The following GYS2 variants were observed in gnomAD, a reference collection of about 807,000 sequenced individuals.
GYS2 encodes the protein glycogen synthase 2.
GYS2 carries 80 observed loss-of-function variants against 85.6 expected under a neutral mutation model. The ratio of observed to expected loss-of-function variants is 0.93; its 90% CI spans 0.78 to 1.13. The LOEUF (loss-of-function observed/expected upper bound fraction) is 1.13. GYS2 is among the 50% of genes most tolerant of loss of function. The pLI is 0.00. For synonymous variants in GYS2, 328 were observed against 300.7 expected (o/e 1.09, Z -0.94); for missense variants, 881 against 854.9 (o/e 1.03, Z -0.38).
intron 1 of GYS2, 66 bp from the exon 2 acceptor site, chr12:21,580,589 G>T: frequency 8.6e-7 from 1 of 1,156,840 alleles, no homozygotes; most frequent in Non-Finnish European, 1.3e-6. Context: ...AATAAGGGAT[G>T]GAAATGAGTT....
chr12:21,563,057 A>G lies in GYS2; in HGVS notation c.942-19T>C, dbSNP rs370635834. 1.1e-5 allele frequency: 17 copies of G among 1,564,894 alleles called. No individual in the cohort carries two copies. The highest frequency in any genetic ancestry group is 1.7e-4 in the Middle Eastern group (1 of 6,006). On this transcript the variant is annotated intron_variant, in intron 6 of 15. Transcript: ENST00000261195. ...GAGATGACTAAAACAAAACAAAACC[A>G]AACAGTTTCAAATGAAATACAGCAA...
At chr12:21,561,416 G>A (rs1227902252) in intron 7 of GYS2, among the ~76,000 whole-genome samples, 3 of 152,052 alleles carry the variant, frequency 2.0e-5, no homozygotes, top group Admixed American at 6.6e-5. Context: ...ATGCAGCCTC[G>A]GCCCTCTAGG....
At chr12:21,534,560 AAAAG>A (rs1201076658), downstream of GYS2, among the ~76,000 whole-genome samples, 2 of 151,946 alleles carry the variant, frequency 1.3e-5, no homozygotes, top group African/African-American at 2.4e-5. Flanking sequence ...AGAGAAAGGA[AAAAG>A]AAAGAAAAGA....
chr12:21,584,771 A>T (rs1230115884), intron 1 of GYS2, among the ~76,000 whole-genome samples: 1 of 152,088 alleles, frequency 6.6e-6, no homozygotes, highest in Non-Finnish European at 1.5e-5. Context: ...TCCTGAACTC[A>T]ATGCTTATGC....
chr12:21,575,921 C>T lies in GYS2; in HGVS notation c.440G>A (p.Arg147Gln), dbSNP rs760649869. Residue 147 changes from arginine to glutamine, a missense_variant, in exon 3 of 16, where the codon CGA (arginine) becomes CAA (glutamine). Arg to Gln is a conservative substitution (Grantham distance 43, BLOSUM62 1). Transcript: ENST00000261195. ...AAATATCAGCATATCATTGGCTTCT[C>T]GGTCATGATAAGGAATGCCGACACT... The part of the protein sequence containing the change: ...ACSVGIPYHD[R>Q]EANDMLIFGS... 1.6e-5 allele frequency: 26 copies of T among 1,613,734 alleles called. No homozygotes were observed. Among genetic ancestry groups the T allele is most frequent in the South Asian group, 3.3e-5 (3 of 91,072 alleles).
intron 1 of GYS2, among the ~76,000 whole-genome samples, chr12:21,584,314 G>T (rs936812608): frequency 1.4e-5 from 2 of 142,432 alleles, no homozygotes; most frequent in Non-Finnish European, 3.1e-5. Context: ...TGGGGAAGAG[G>T]TATGTGGATG....
Position 21,604,701 on chromosome 12 carries a change from C to CT in GYS2, c.-110dup. The stretch of plus-strand genomic sequence containing the variant: ...AGTTAGAGTTGGTAGAGTTACCAGG[C>CT]TTTGGTAGCTTCTCTTGGGAATAAA... On this transcript the variant is annotated 5_prime_UTR_variant, in exon 1 of 16. An upstream open reading frame in the 5' UTR gains an earlier in-frame stop. Transcript: ENST00000261195. 6.4e-7 allele frequency: 1 copy of CT among 1,568,174 alleles called. No homozygotes were observed. The highest frequency in any genetic ancestry group is 1.1e-5 in the South Asian group (1 of 87,340).
chr12:21,559,103 G>A lies in GYS2; in HGVS notation c.1296C>T (p.Ile432=), dbSNP rs141721723. The stretch of plus-strand genomic sequence containing the variant: ...TTTTCCTTATTACCTGAGTTGAAAA[G>A]ATGGCTCTTTTCATAATTGTTAGAT... ...RDDLTIMKRA[I]FSTQRQSLPP... Residue 432 remains isoleucine (I), a synonymous_variant, in exon 10 of 16, where the codon ATC becomes ATT. Transcript: ENST00000261195. 6.3e-7 allele frequency: 1 copy of A among 1,598,650 alleles called. No individual in the cohort carries two copies. The highest frequency in any genetic ancestry group is 1.1e-5 in the South Asian group (1 of 90,564).
Position 21,593,409 on chromosome 12 carries a change from A to G in GYS2, c.121+11063T>C, listed in dbSNP as rs1380618322. On this transcript the variant is annotated intron_variant, in intron 1 of 15. Transcript: ENST00000261195. ...AAAAAGAGAAGAGACTGAAATAAAG[A>G]AAATCAGAAATAAAAAAGAAAATAT... is the stretch of plus-strand genomic sequence containing the variant. 2.6e-5 allele frequency among the ~76,000 whole-genome samples: 4 copies of G among 151,856 alleles called. No individual in the cohort carries two copies. The East Asian group carries it at 7.7e-4, about 29-fold the overall frequency.
chr12:21,562,832 A>G, intron 7 of GYS2, 86 bp downstream of exon 7: 2 of 1,481,342 alleles, frequency 1.4e-6, no homozygotes, highest in South Asian at 1.2e-5. Context: ...CTTGAAAACT[A>G]TTTAAGAAGC....
chr12:21,577,779 A>G (rs1200777695), intron 2 of GYS2, among the ~76,000 whole-genome samples: 1 of 152,188 alleles, frequency 6.6e-6, no homozygotes, highest in African/African-American at 2.4e-5. Context: ...TGGGATGAGT[A>G]GGAAGGAAAG....
At chr12:21,556,943 G>A (rs1944187275) in intron 11 of GYS2, among the ~76,000 whole-genome samples, 2 of 152,278 alleles carry the variant, frequency 1.3e-5, no homozygotes, top group Non-Finnish European at 2.9e-5. Flanking sequence ...GAAGAAGCTA[G>A]TGATAAGAAT....
Position 21,536,985 on chromosome 12 carries a change from T to C in GYS2, c.2081A>G (p.Lys694Arg). The C allele has an allele frequency of 1.9e-6, 3 of 1,613,806 alleles. No individual in the cohort carries two copies. Among genetic ancestry groups the C allele is most frequent in the Non-Finnish European group, 1.7e-6 (2 of 1,179,714 alleles). The change falls in exon 16 of 16, where the codon AAG becomes AGG. Residue 694 changes from lysine to arginine, a missense_variant. Lys to Arg is a conservative substitution (Grantham distance 26). Coordinates refer to ENST00000261195, the MANE Select transcript of GYS2 (RefSeq NM_021957.4). ...PFSLSHVPHG[K>R]KKLHGEYKN is the part of the protein sequence containing the mutation. ...CTTATATTCACCATGCAGCTTTTTC[T>C]TCCCATGAGGAACGTGGCTCAGTGA...
intron 11 of GYS2, among the ~76,000 whole-genome samples, chr12:21,549,849 C>T (rs1226261969): frequency 6.6e-6 from 1 of 152,044 alleles, no homozygotes; most frequent in Non-Finnish European, 1.5e-5. Flanking sequence ...GACTTTTTGG[C>T]TTCTCCACTA....
chr12:21,540,286 G>C (rs1943956554), intron 14 of GYS2, 124 bp downstream of exon 14: 1 of 884,608 alleles, frequency 1.1e-6, no homozygotes. Context: ...AAAGTACATG[G>C]AGACACTGAG....
At chr12:21,540,694 C>G (rs1249789250) in intron 13 of GYS2, 121 bp from the exon 14 acceptor site, 1 of 804,368 alleles carries the variant, frequency 1.2e-6, no homozygotes, top group Non-Finnish European at 2.1e-6. Context: ...CCCCCTGACT[C>G]AGGAATTACC....
rs191186931 is a variant in GYS2, at chr12:21,568,336, G to A, written c.823+529C>T. Reference sequence around the variant, plus strand: ...ATGTCTTCCTTTGGGCCAATCAGCCGTGGCCGGGTGACAGGGCCATGTCTT... The same window carrying A: ...ATGTCTTCCTTTGGGCCAATCAGCCATGGCCGGGTGACAGGGCCATGTCTT... On this transcript the variant is annotated intron_variant, in intron 5 of 15. Transcript: ENST00000261195. 3.5e-4 allele frequency among the ~76,000 whole-genome samples: 54 copies of A among 152,280 alleles called. 1 individual carries two copies. The East Asian group carries it at 7.7e-3, about 22-fold the overall frequency.
chr12:21,537,446 T>C (rs543295593), intron 15 of GYS2: 20 of 439,072 alleles, frequency 4.6e-5, no homozygotes, highest in South Asian at 3.7e-4. Flanking sequence ...CTGATAAATA[T>C]GTTTTTTTCA....
intron 1 of GYS2, among the ~76,000 whole-genome samples, chr12:21,602,233 A>G (rs1353617049): frequency 1.3e-5 from 2 of 152,114 alleles, no homozygotes; most frequent in Admixed American, 1.3e-4. Context: ...TTTCCTTTGA[A>G]AACTGAGGTT....
Sources: allele counts gnomAD v4.1 joint callset (sites outside exome capture counted in the v4.1 genomes callset), GRCh38; gene constraint gnomAD v4.1.1; transcripts MANE v1.5; gene names NCBI Gene and HGNC (gene_info 2026-07-23, HGNC 2026-07-21).